Variants in KIF1B observed in about 807,000 individuals in gnomAD.
KIF1B encodes the protein kinesin-like protein KIF1B.
KIF1B carries 76 observed loss-of-function variants against 241.9 expected under a neutral mutation model. The observed-to-expected ratio is 0.31, with a 90% CI of 0.26 to 0.38. KIF1B has a LOEUF of 0.38. KIF1B is among the 10% of genes least tolerant of loss of function. The pLI, the probability that KIF1B is intolerant of heterozygous loss-of-function variation, is 1.00. For synonymous variants in KIF1B, 750 were observed against 796.7 expected (o/e 0.94, Z 0.99); for missense variants, 1,622 against 2,271.4 (o/e 0.71, Z 5.81).
intron 2 of KIF1B, among the ~76,000 whole-genome samples, chr1:10,248,674 C>T (rs1347326579): frequency 6.6e-6 from 1 of 152,182 alleles, no homozygotes; most frequent in African/African-American, 2.4e-5. Flanking sequence ...TGTGTTCTGT[C>T]ATCTGGTAAT....
At chr1:10,315,911 C>T (rs965083745) in intron 22 of KIF1B, among the ~76,000 whole-genome samples, 3 of 151,294 alleles carry the variant, frequency 2.0e-5, no homozygotes, top group African/African-American at 4.9e-5. Context: ...CAAAATTTAA[C>T]TGGGCATGGT....
chr1:10,348,560 C>A, intron 36 of KIF1B, 89 bp from the exon 37 acceptor site: 2 of 919,418 alleles, frequency 2.2e-6, no homozygotes, highest in East Asian at 4.9e-5. Flanking sequence ...TGCTCATCCC[C>A]CATGCCATGC....
At position 10,326,388 on chromosome 1, in the gene KIF1B, A is replaced by G; in HGVS notation, c.2924+29A>G. ...GGTGAGGTTATTGTGAGAAAGGCGA[A>G]AAGGGACCAGCTCTTGCTCTGAAGG... On this transcript the variant is annotated intron_variant, in intron 27 of 48. Transcript: ENST00000676179. The surrounding 1 kb of genome is among the most constrained non-coding windows in gnomAD (Gnocchi z 5.2). 6.2e-7 allele frequency: 1 copy of G among 1,613,780 alleles called. No individual in the cohort carries two copies. The highest frequency in any genetic ancestry group is 8.5e-7 in the Non-Finnish European group (1 of 1,180,020).
intron 28 of KIF1B, among the ~76,000 whole-genome samples, chr1:10,335,460 C>T (rs371673551): frequency 6.6e-6 from 1 of 152,134 alleles, no homozygotes; most frequent in Non-Finnish European, 1.5e-5. Context: ...ACCATTTTGG[C>T]CAGGCTGGTC....
rs1652568395 is a variant in KIF1B, at chr1:10,345,851, C to A, written c.3695C>A (p.Ala1232Asp). 1 of 1,613,642 alleles carries A rather than the reference C, an allele frequency of 6.2e-7. No individual in the cohort carries two copies. Among genetic ancestry groups the A allele is most frequent in the East Asian group, 2.2e-5 (1 of 44,876 alleles). ...PPMPLSKPVP[A>D]TKLNTMSKTS... ...CTCTAAAAACTTTTAAAAGTTCCAG[C>A]CACCAAGTTAAACACGATGAGCAAA... Residue 1232 changes from alanine (A) to aspartate (D), a missense_variant, in exon 35 of 49, where the codon GCC becomes GAC. Physicochemically the swap from Ala to Asp is moderately radical, Grantham distance 126. Transcript: ENST00000676179.
At position 10,375,082 on chromosome 1, in the gene KIF1B, G is replaced by A. The variant is rs188840272; in HGVS notation, c.5289+36G>A. 2.5e-4 allele frequency: 402 copies of A among 1,601,916 alleles called. 2 individuals are homozygous for A. The African/African-American group carries it at 4.6e-3, about 18-fold the overall frequency. ...CCCTGCCTTGGTTTCTTATTGCCAC[G>A]TGTGCCCTTCTCTTTTGATTTCTGC... On this transcript the variant is annotated intron_variant, in intron 47 of 48. Coordinates refer to ENST00000676179, the MANE Select transcript of KIF1B (RefSeq NM_001365951.3).
chr1:10,292,645 C>T lies in KIF1B; in HGVS notation c.1590+523C>T, dbSNP rs1386685582. On this transcript the variant is annotated intron_variant, in intron 17 of 48. Transcript: ENST00000676179. ...TTCTAGACTCCTCTGCTTCCTTCTT[C>T]ATTTTTTAAAAAGTGTCTCCAATAG... 5.3e-5 allele frequency among the ~76,000 whole-genome samples: 8 copies of T among 152,230 alleles called. No individual in the cohort carries two copies. The East Asian group carries it at 1.3e-3, about 26-fold the overall frequency.
At chr1:10,276,428 TAG>T in intron 12 of KIF1B, 29 bp downstream of exon 12, 1 of 1,515,238 alleles carries the variant, frequency 6.6e-7, no homozygotes, top group Non-Finnish European at 9.2e-7. Context: ...AGTAACAACA[TAG>T]ACCACATTGC....
chr1:10,257,187 C>G (rs1337408049), intron 3 of KIF1B, among the ~76,000 whole-genome samples: 1 of 150,728 alleles, frequency 6.6e-6, no homozygotes, highest in Non-Finnish European at 1.5e-5. Flanking sequence ...CTCGACCTCT[C>G]AAAGTGTTGG....
chr1:10,268,322 C>G, intron 7 of KIF1B, 59 bp downstream of exon 7: 1 of 1,135,076 alleles, frequency 8.8e-7, no homozygotes, highest in Non-Finnish European at 1.3e-6. Context: ...TGAGAAGTCC[C>G]TTTTGTTGCC....
intron 22 of KIF1B, among the ~76,000 whole-genome samples, chr1:10,311,652 T>C (rs1421176765): frequency 6.6e-6 from 1 of 151,476 alleles, no homozygotes; most frequent in Non-Finnish European, 1.5e-5. Flanking sequence ...GTGCATTTTC[T>C]CAGTCCTCAT....
chr1:10,294,096 C>T (rs1480812373), intron 17 of KIF1B, among the ~76,000 whole-genome samples: 1 of 152,178 alleles, frequency 6.6e-6, no homozygotes, highest in Non-Finnish European at 1.5e-5. Context: ...TTTCCTACCC[C>T]CTCATCTGAC....
chr1:10,288,364 C>T (rs185602944), intron 15 of KIF1B, among the ~76,000 whole-genome samples: 44 of 152,236 alleles, frequency 2.9e-4, no homozygotes, highest in African/African-American at 1.0e-3. Flanking sequence ...TTGTCTTGCT[C>T]GCTGGCCCTC....
Position 10,365,183 on chromosome 1 carries a change from C to T in KIF1B, c.4450C>T (p.Arg1484Cys), listed in dbSNP as rs1638533355. The T allele has an allele frequency of 5.0e-6, 8 of 1,613,834 alleles. 1 individual carries two copies. The highest frequency in any genetic ancestry group is 4.4e-5 in the South Asian group (4 of 91,076). ...AGAGAACTTAGCAGGCTGGCGGCCC[C>T]GTGGAGACAGCCTCATCCTTGAGCA... ...GEENLAGWRP[R>C]GDSLILEHQW... Residue 1484 changes from arginine (R) to cysteine (C), a missense_variant, in exon 42 of 49, where the codon CGT becomes TGT. This residue lies in a region of KIF1B where 803 missense variants were observed against 1,112.0 expected (regional missense o/e 0.72). Transcript: ENST00000676179. This position sits in a 1 kb window ranked among gnomAD's most constrained non-coding sequence, Gnocchi z 4.0.
At chr1:10,288,510 A>G (rs77780157) in intron 15 of KIF1B, among the ~76,000 whole-genome samples, 11 of 152,216 alleles carry the variant, frequency 7.2e-5, no homozygotes, top group Non-Finnish European at 1.3e-4. Flanking sequence ...TCTGAAGCCT[A>G]ATGAGAGCCA....
In KIF1B at chr1:10,292,062, T is replaced by A. The variant is rs1317464172; in HGVS notation, c.1530T>A (p.Ala510=). 6.2e-7 allele frequency: 1 copy of A among 1,614,066 alleles called. No individual in the cohort carries two copies. The highest frequency in any genetic ancestry group is 1.7e-5 in the Admixed American group (1 of 60,020). ...TTTTTCCTAGAGAGGCTTTGTTGGC[T>A]GAGATGGGAGTTGCCATTCGGGAAG... ...AIRMEREALL[A]EMGVAIREDG... The change falls in exon 17 of 49, where the codon GCT becomes GCA. Residue 510 remains alanine (A), a synonymous_variant. Coordinates refer to ENST00000676179, the MANE Select transcript of KIF1B (RefSeq NM_001365951.3).
intron 37 of KIF1B, among the ~76,000 whole-genome samples, chr1:10,351,535 A>G (rs1373967397): frequency 6.6e-6 from 1 of 152,230 alleles, no homozygotes; most frequent in African/African-American, 2.4e-5. Flanking sequence ...CTTAGGCTCA[A>G]AGCCTCACAG....
At chr1:10,263,728 T>G (rs1302808694) in intron 5 of KIF1B, among the ~76,000 whole-genome samples, 1 of 152,214 alleles carries the variant, frequency 6.6e-6, no homozygotes, top group Non-Finnish European at 1.5e-5. Flanking sequence ...GGTGATAGAA[T>G]TTTTGAGCTT....
At chr1:10,254,897 A>AG (rs1255283514) in intron 2 of KIF1B, among the ~76,000 whole-genome samples, 1 of 151,316 alleles carries the variant, frequency 6.6e-6, no homozygotes, top group East Asian at 1.9e-4. Context: ...AAAAAAAAAA[A>AG]AAAGCTGCTT....
Sources: allele counts gnomAD v4.1 joint callset (sites outside exome capture counted in the v4.1 genomes callset), GRCh38; gene constraint gnomAD v4.1.1; regional missense constraint gnomAD v4.1.1; non-coding constraint Gnocchi (gnomAD v3.1); transcripts MANE v1.5; gene names NCBI Gene and HGNC (gene_info 2026-07-23, HGNC 2026-07-21).